Variants in CCDC82 observed in about 807,000 individuals in gnomAD.
CCDC82 encodes the protein coiled-coil domain-containing protein 82.
In CCDC82, 47 loss-of-function variants were observed where a neutral mutation model predicts 60.6. The observed-to-expected ratio is 0.77, with a 90% confidence interval of 0.61 to 0.99. The LOEUF (loss-of-function observed/expected upper bound fraction) is 0.99, where lower values mean the gene tolerates loss of function less well. Ranked by LOEUF, CCDC82 falls within the 50% of genes least tolerant of loss-of-function variation. The probability of loss-of-function intolerance (pLI) is 0.00; values close to 1 mark genes in which losing one functional copy is unlikely to be tolerated. For synonymous variants in CCDC82, 212 were observed against 207.4 expected, an observed-to-expected ratio of 1.02 and a Z score of -0.19; for missense variants, 588 against 633.0, an observed-to-expected ratio of 0.93 and a Z score of 0.76.
At chr11:96,388,065 A>T (rs1245719884) in intron 1 of CCDC82, 1 of 152,242 alleles carries the variant, frequency 6.6e-6, no homozygotes, top group East Asian at 1.9e-4. Flanking sequence ...TTTCAAAATG[A>T]CCATTTATAT....
chr11:96,373,150 G>A (rs553647578), intron 6 of CCDC82, among the ~76,000 whole-genome samples: 1 of 152,152 alleles, frequency 6.6e-6, no homozygotes, highest in Non-Finnish European at 1.5e-5. Context: ...CTAAGGGAAA[G>A]GACCTGTCAC....
chr11:96,377,407 T>C (rs1389776648), intron 5 of CCDC82, among the ~76,000 whole-genome samples: 3 of 152,080 alleles, frequency 2.0e-5, no homozygotes, highest in Non-Finnish European at 4.4e-5. Context: ...TCTTTTCTTT[T>C]TCAATAGTTA....
intron 8 of CCDC82, among the ~76,000 whole-genome samples, chr11:96,359,808 CT>C (rs142887258): frequency 8.6e-5 from 13 of 151,388 alleles, no homozygotes; most frequent in South Asian, 4.2e-4. Context: ...AGATACTTTT[CT>C]TTTCCCCCCC....
intron 8 of CCDC82, among the ~76,000 whole-genome samples, chr11:96,359,642 T>TAAAA (rs139619843): frequency 1.6e-3 from 132 of 81,312 alleles, no homozygotes; most frequent in East Asian, 4.9e-3. Flanking sequence ...ATGGGCAAAG[T>TAAAA]AAAAAAAAAA....
chr11:96,358,727 G>T (rs879085199), intron 9 of CCDC82: 6 of 1,055,622 alleles, frequency 5.7e-6, no homozygotes, highest in Non-Finnish European at 7.5e-6. Context: ...ACATAAAAGC[G>T]AAAGGACAGA....
In CCDC82 at chr11:96,353,661, C is replaced by G. The variant is rs1198219692; in HGVS notation, c.1620G>C (p.Glu540Asp). The change falls in exon 10 of 10, where the codon GAG becomes GAC. Residue 540 changes from glutamate to aspartate, a missense_variant. Transcript: ENST00000646818. ...TGGAAATGTGTTACAACTCAAACTT[C>G]TCTTCTTGAAAGTAATCCGCAAAAT... Reference protein sequence around the residue: ...YLNFADYFQEEKFEL With the variant: ...YLNFADYFQEDKFEL 1.2e-6 allele frequency: 2 copies of G among 1,609,982 alleles called. No individual in the cohort carries two copies. Among genetic ancestry groups the G allele is most frequent in the Non-Finnish European group, 1.7e-6 (2 of 1,177,694 alleles).
Position 96,353,659 on chromosome 11 carries a change from T to C in CCDC82, c.1622A>G (p.Lys541Arg), listed in dbSNP as rs142932570. Residue 541 changes from lysine (K) to arginine (R), a missense_variant, in exon 10 of 10, where the codon AAG (lysine) becomes AGG (arginine). Physicochemically the swap from Lys to Arg is conservative, Grantham distance 26 (BLOSUM62 2). Coordinates refer to ENST00000646818, the MANE Select transcript of CCDC82 (RefSeq NM_024725.4). ...LNFADYFQEEKFEL is the reference protein window; with the variant it reads ...LNFADYFQEERFEL ...GATGGAAATGTGTTACAACTCAAAC[T>C]TCTCTTCTTGAAAGTAATCCGCAAA... 5.6e-6 allele frequency: 9 copies of C among 1,609,618 alleles called. No individual in the cohort carries two copies. Among genetic ancestry groups the C allele is most frequent in the South Asian group, 3.3e-5 (3 of 90,932 alleles).
chr11:96,373,574 A>G (rs1268520016), intron 5 of CCDC82, 107 bp from the exon 6 acceptor site: 6 of 616,918 alleles, frequency 9.7e-6, no homozygotes, highest in East Asian at 3.1e-5. Flanking sequence ...TAGATAGCAC[A>G]AACAGCTTAA....
chr11:96,373,744 A>T (rs930327350), intron 5 of CCDC82, among the ~76,000 whole-genome samples: 1 of 152,212 alleles, frequency 6.6e-6, no homozygotes, highest in African/African-American at 2.4e-5. Context: ...AAATAAGTTT[A>T]AAAAATAAAA....
At chr11:96,363,855 T>C (rs1472868813) in intron 8 of CCDC82, 1 of 152,228 alleles carries the variant, frequency 6.6e-6, no homozygotes, top group Non-Finnish European at 1.5e-5. Context: ...TACCCTTACA[T>C]GCAGAATAAG....
chr11:96,354,367 G>A (rs1864240905), intron 9 of CCDC82: 1 of 152,208 alleles, frequency 6.6e-6, no homozygotes, highest in South Asian at 2.1e-4. Flanking sequence ...AGTATTTTTA[G>A]GAGAACAGAG....
intron 1 of CCDC82, chr11:96,387,923 G>A (rs1018922417): frequency 2.6e-5 from 4 of 152,152 alleles, no homozygotes; most frequent in Admixed American, 6.5e-5. Context: ...AAATTTCAAA[G>A]AAAGGCAGTC....
At position 96,387,510 on chromosome 11, in the gene CCDC82, A is replaced by G. The variant is rs923486827; in HGVS notation, c.-55+20T>C. 2.0e-5 allele frequency: 3 copies of G among 152,252 alleles called. No homozygotes were observed. Among genetic ancestry groups the G allele is most frequent in the African/African-American group, 4.8e-5 (2 of 41,460 alleles). The allele number at this position is 152,252 out of a possible 1,614,324, so 9.4% of individuals were successfully genotyped here. On this transcript the variant is annotated intron_variant, in intron 2 of 9. Coordinates refer to ENST00000646818, the MANE Select transcript of CCDC82 (RefSeq NM_024725.4). ...ATGTGTAAATATCAAAGCCAAGGACATAGAGTTTAAATGACTTACCGAAGA... is the reference window on the plus strand; with the variant it reads ...ATGTGTAAATATCAAAGCCAAGGACGTAGAGTTTAAATGACTTACCGAAGA...
chr11:96,368,153 G>A (rs1178843111), intron 7 of CCDC82, among the ~76,000 whole-genome samples: 1 of 152,116 alleles, frequency 6.6e-6, no homozygotes, highest in African/African-American at 2.4e-5. Context: ...AAACTTGAAA[G>A]TCAAAATTAC....
intron 3 of CCDC82, chr11:96,385,143 AAGATGCAGGG>A (rs1193074524): frequency 6.3e-6 from 1 of 159,842 alleles, no homozygotes; most frequent in African/African-American, 2.4e-5. Context: ...GAGAAGTGGA[AAGATGCAGGG>A]AGATCAGTAA....
chr11:96,367,990 T>C (rs1865041473), intron 7 of CCDC82, among the ~76,000 whole-genome samples: 1 of 152,000 alleles, frequency 6.6e-6, no homozygotes, highest in African/African-American at 2.4e-5. Flanking sequence ...CTGGCTAATT[T>C]TTGTATGTTT....
At chr11:96,377,848 A>T (rs1639026900) in intron 5 of CCDC82, among the ~76,000 whole-genome samples, 1 of 152,076 alleles carries the variant, frequency 6.6e-6, no homozygotes, top group Admixed American at 6.6e-5. Flanking sequence ...GGCCTCTTTA[A>T]TCTGCATAAA....
At chr11:96,355,790 A>G (rs535453130) in intron 9 of CCDC82, 1 of 152,314 alleles carries the variant, frequency 6.6e-6, no homozygotes, top group South Asian at 2.1e-4. Flanking sequence ...TACTGCTCTC[A>G]TAATTCTTTA....
At chr11:96,379,551 T>A (rs1290027459) in intron 5 of CCDC82, among the ~76,000 whole-genome samples, 1 of 151,876 alleles carries the variant, frequency 6.6e-6, no homozygotes, top group African/African-American at 2.4e-5. Context: ...TTAGGTTTTG[T>A]TTTTGTTTTT....
Sources: gnomAD v4.1 joint callset for allele counts (sites outside exome capture counted in the v4.1 genomes callset) on GRCh38, gnomAD v4.1.1 for gene constraint, MANE v1.5 for transcripts, NCBI Gene and HGNC (gene_info 2026-07-23, HGNC 2026-07-21) for gene names.